Variants in KANSL1 observed in about 807,000 individuals in gnomAD.
KANSL1 encodes MLL1/MLL complex subunit KANSL1.
A neutral mutation model predicts 103.6 loss-of-function variants in KANSL1; 22 were observed. The observed-to-expected ratio is 0.21, with a 90% CI of 0.15 to 0.30. The LOEUF (loss-of-function observed/expected upper bound fraction) is 0.30. Ranked by LOEUF, KANSL1 falls within the 10% of genes least tolerant of loss-of-function variation. The pLI is 1.00. For missense variants in KANSL1, 1,337 were observed against 1,399.8 expected (o/e 0.96, Z 0.72); for synonymous variants, 600 against 527.6 (o/e 1.14, Z -1.88).
At chr17:46,130,268 A>G (rs931951055) in intron 2 of KANSL1, among the ~76,000 whole-genome samples, 1 of 151,844 alleles carries the variant, frequency 6.6e-6, no homozygotes, top group Non-Finnish European at 1.5e-5. Context: ...AGATAAATTA[A>G]ATCAAAATTT....
intron 2 of KANSL1, among the ~76,000 whole-genome samples, chr17:46,095,985 A>G (rs1255972585): frequency 6.6e-6 from 1 of 152,238 alleles, no homozygotes; most frequent in Non-Finnish European, 1.5e-5. Context: ...GAAAACGCAC[A>G]GTCTCATAAA....
intron 3 of KANSL1, among the ~76,000 whole-genome samples, chr17:46,085,170 G>A (rs2079119557): frequency 6.6e-6 from 1 of 152,130 alleles, no homozygotes; most frequent in African/African-American, 2.4e-5. Context: ...AGCTGTTGCT[G>A]CTGCTGGAGG....
chr17:46,040,633 G>A lies in KANSL1; in HGVS notation c.2021-749C>T, dbSNP rs188599598. On this transcript the variant is annotated intron_variant, in intron 7 of 14. Transcript: ENST00000432791. ...CCAGTGCTATATTTAAGAGGGAATC[G>A]GATTCTTTCTTACTTGTAGGTGGTC... 3.9e-5 allele frequency: 6 copies of A among 152,242 alleles called. No individual in the cohort carries two copies. The East Asian group carries it at 7.7e-4, about 20-fold the overall frequency. The allele number at this position is 152,242 out of a possible 1,614,324, so 9.4% of individuals were successfully genotyped here.
chr17:46,171,871 G>A lies in KANSL1; in HGVS notation c.273C>T (p.Pro91=). The change falls in exon 2 of 15, where the codon CCC becomes CCT. Residue 91 remains proline, a synonymous_variant. Coordinates refer to ENST00000432791, the MANE Select transcript of KANSL1 (RefSeq NM_015443.4). ...SYLCSDVTSV[P]SKESLKLQGV... is the part of the protein sequence containing the mutation. Reference sequence around the variant, plus strand: ...CTTGCAACTTCAAAGACTCCTTTGAGGGAACAGATGTTACATCAGAGCAGA... The same window carrying A: ...CTTGCAACTTCAAAGACTCCTTTGAAGGAACAGATGTTACATCAGAGCAGA... 6.2e-7 allele frequency: 1 copy of A among 1,614,258 alleles called. No homozygotes were observed. The highest frequency in any genetic ancestry group is 8.5e-7 in the Non-Finnish European group (1 of 1,180,040).
At chr17:46,189,031 CAAA>C (rs57566816) in intron 1 of KANSL1, among the ~76,000 whole-genome samples, 18 of 62,354 alleles carry the variant, frequency 2.9e-4, no homozygotes, top group African/African-American at 1.4e-3. Context: ...AAGATTGTCT[CAAA>C]AAAAAAAAAA....
intron 10 of KANSL1, chr17:46,034,922 G>A (rs989215177): frequency 1.3e-5 from 2 of 152,200 alleles, no homozygotes; most frequent in Non-Finnish European, 1.5e-5. Context: ...ATGAATGGAG[G>A]GAAACTAAAG....
intron 6 of KANSL1, among the ~76,000 whole-genome samples, chr17:46,052,972 A>AAAAAAAAAAAAAAG (rs2077776374): frequency 2.6e-5 from 1 of 38,864 alleles, no homozygotes; most frequent in Admixed American, 3.9e-4. Context: ...TCCAAAAAAA[A>AAAAAAAAAAAAAAG]AAAAAAAAAA....
intron 1 of KANSL1, among the ~76,000 whole-genome samples, chr17:46,215,774 C>T (rs995716363): frequency 1.3e-5 from 2 of 152,232 alleles, no homozygotes; most frequent in East Asian, 3.9e-4. Context: ...GATGCAGTGG[C>T]TCACGCCTGT....
At chr17:46,161,596 G>C (rs1434896977) in intron 2 of KANSL1, among the ~76,000 whole-genome samples, 2 of 152,190 alleles carry the variant, frequency 1.3e-5, no homozygotes, top group Non-Finnish European at 2.9e-5. Context: ...AAACAAACCG[G>C]AAATAGCAAT....
chr17:46,173,218 C>T (rs991328454), intron 1 of KANSL1, among the ~76,000 whole-genome samples: 1 of 152,192 alleles, frequency 6.6e-6, no homozygotes, highest in Non-Finnish European at 1.5e-5. Flanking sequence ...GTCCCTTCTG[C>T]CCTCTTCTCT....
intron 6 of KANSL1, among the ~76,000 whole-genome samples, chr17:46,064,197 T>C (rs1264882287): frequency 1.3e-5 from 2 of 152,112 alleles, no homozygotes; most frequent in Non-Finnish European, 2.9e-5. Context: ...TGGTATCGCC[T>C]GACAGTCAAT....
chr17:46,070,815 G>A (rs2078548568), intron 4 of KANSL1, among the ~76,000 whole-genome samples: 1 of 152,000 alleles, frequency 6.6e-6, no homozygotes, highest in African/African-American at 2.4e-5. Flanking sequence ...GTGCCTTCAC[G>A]TGTTCTAGAA....
intron 2 of KANSL1, among the ~76,000 whole-genome samples, chr17:46,096,311 C>CTTTTTTTTTTCTTTTTTT (rs2042070295): frequency 1.3e-5 from 1 of 76,408 alleles, no homozygotes; most frequent in African/African-American, 5.6e-5. Flanking sequence ...GCTTTTTTTT[C>CTTTTTTTTTTCTTTTTTT]TTTTTTTTTT....
At chr17:46,216,181 G>A (rs180842468) in intron 1 of KANSL1, among the ~76,000 whole-genome samples, 4 of 152,324 alleles carry the variant, frequency 2.6e-5, no homozygotes, top group East Asian at 1.9e-4. Flanking sequence ...GCAAATCATC[G>A]GCATATAGAC....
At chr17:46,185,688 T>C (rs9901202) in intron 1 of KANSL1, among the ~76,000 whole-genome samples, 171 of 62,318 alleles carry the variant, frequency 2.7e-3, no homozygotes, top group Middle Eastern at 8.8e-3. Flanking sequence ...TACACACACA[T>C]ATATACACAC....
Position 46,039,865 on chromosome 17 carries a change from A to C in KANSL1, c.2040T>G (p.His680Gln), listed in dbSNP as rs1418595836. 8.1e-6 allele frequency: 13 copies of C among 1,614,100 alleles called. No individual in the cohort carries two copies. Among genetic ancestry groups the C allele is most frequent in the Admixed American group, 3.3e-5 (2 of 60,006 alleles). Residue 680 changes from histidine (H) to glutamine (Q), a missense_variant, in exon 8 of 15, where the codon CAT becomes CAG. By Grantham distance (24) the His-to-Gln change is conservative. Transcript: ENST00000432791. ...AFPDDVPTSL[H>Q]FQSMLKSQWQ... ...ACTGAGATTTCAGCATGCTCTGGAAATGCAGGCTTGTGGGAACATCTGCAA... is the reference window on the plus strand; with the variant it reads ...ACTGAGATTTCAGCATGCTCTGGAACTGCAGGCTTGTGGGAACATCTGCAA...
At chr17:46,078,366 C>T (rs2066899) in intron 4 of KANSL1, among the ~76,000 whole-genome samples, 34,592 of 152,236 alleles carry the variant, frequency 0.23, 4,492 homozygotes, top group African/African-American at 0.32. Context: ...CTTCCAATTA[C>T]TGCTTTCCAC....
chr17:46,148,435 C>T (rs191496038), intron 2 of KANSL1, among the ~76,000 whole-genome samples: 1 of 152,294 alleles, frequency 6.6e-6, no homozygotes, highest in South Asian at 2.1e-4. Flanking sequence ...ACAAGGGTAA[C>T]CTATCATTTA....
chr17:46,154,202 A>C (rs1255419186), intron 2 of KANSL1, among the ~76,000 whole-genome samples: 3 of 152,246 alleles, frequency 2.0e-5, no homozygotes, highest in Non-Finnish European at 4.4e-5. Flanking sequence ...TAAGCTGTGG[A>C]AAGCTGACTG....
Sources: gnomAD v4.1 joint callset for allele counts (sites outside exome capture counted in the v4.1 genomes callset) on GRCh38, gnomAD v4.1.1 for gene constraint, MANE v1.5 for transcripts, NCBI Gene and HGNC (gene_info 2026-07-23, HGNC 2026-07-21) for gene names.